CDK14: variants seen among roughly 807,000 people sequenced by gnomAD.
CDK14 encodes cyclin dependent kinase 14.
CDK14 carries 34 observed loss-of-function variants against 60.7 expected under a neutral mutation model. That is an observed-to-expected ratio of 0.56 (90% CI 0.43 to 0.75). The LOEUF (loss-of-function observed/expected upper bound fraction) is 0.75. CDK14 is among the 30% of genes least tolerant of loss of function. The pLI is 0.00. For synonymous variants in CDK14, 197 were observed against 203.7 expected, an observed-to-expected ratio of 0.97 and a Z score of 0.28; for missense variants, 482 against 564.1, an observed-to-expected ratio of 0.85 and a Z score of 1.47.
chr7:91,183,467 C>T (rs1308781204), intron 14 of CDK14, among the ~76,000 whole-genome samples: 1 of 152,202 alleles, frequency 6.6e-6, no homozygotes, highest in African/African-American at 2.4e-5. Context: ...CCAAGACTGG[C>T]AGGTCTTTGC....
chr7:90,688,175 C>T (rs1801478630), intron 2 of CDK14, among the ~76,000 whole-genome samples: 1 of 152,154 alleles, frequency 6.6e-6, no homozygotes, highest in African/African-American at 2.4e-5. Context: ...AGTCAGAACA[C>T]ACATTCCTAT....
intron 2 of CDK14, among the ~76,000 whole-genome samples, chr7:90,700,432 T>TG (rs2116612793): frequency 6.6e-6 from 1 of 152,272 alleles, no homozygotes; most frequent in African/African-American, 2.4e-5. Context: ...AAACCGTACT[T>TG]GGAGTACTTG....
At chr7:91,110,783 A>G (rs911711959) in intron 12 of CDK14, among the ~76,000 whole-genome samples, 2 of 152,192 alleles carry the variant, frequency 1.3e-5, no homozygotes, top group Non-Finnish European at 1.5e-5. Flanking sequence ...GTTCTATTTT[A>G]TCAAAACTAT....
chr7:91,190,862 G>A (rs1025818970), intron 14 of CDK14, among the ~76,000 whole-genome samples: 1 of 152,244 alleles, frequency 6.6e-6, no homozygotes, highest in Admixed American at 6.5e-5. Flanking sequence ...GGACACAAAT[G>A]GGAGACTTGG....
In CDK14 at chr7:90,726,832, T is replaced by A; in HGVS notation, c.369+20T>A. On this transcript the variant is annotated intron_variant, in intron 3 of 14. Coordinates refer to ENST00000380050, the MANE Select transcript of CDK14 (RefSeq NM_001287135.2). ...AGCTCGGTAAGTGCAGTCTTTTTGT[T>A]TATCACTGGGTAAACAGAAGGAATA... is the stretch of plus-strand genomic sequence containing the variant. 1.2e-6 allele frequency: 2 copies of A among 1,612,164 alleles called. No individual in the cohort carries two copies. The highest frequency in any genetic ancestry group is 1.7e-6 in the Non-Finnish European group (2 of 1,179,146).
intron 8 of CDK14, among the ~76,000 whole-genome samples, chr7:90,945,650 T>C (rs1794079007): frequency 6.6e-6 from 1 of 152,230 alleles, no homozygotes. Flanking sequence ...TTGGTCAGTT[T>C]GCTGCCCATT....
At chr7:90,666,019 A>G (rs1270284514) in intron 2 of CDK14, among the ~76,000 whole-genome samples, 8 of 152,160 alleles carry the variant, frequency 5.3e-5, no homozygotes, top group African/African-American at 1.9e-4. Flanking sequence ...CCAACTCAGT[A>G]GCCCAGCAGA....
chr7:90,764,111 T>C (rs942663918), intron 4 of CDK14, among the ~76,000 whole-genome samples: 1 of 152,182 alleles, frequency 6.6e-6, no homozygotes, highest in Non-Finnish European at 1.5e-5. Flanking sequence ...TGTGGGAGCA[T>C]TTTTGAACAG....
chr7:91,085,034 C>T (rs193250621), intron 12 of CDK14, among the ~76,000 whole-genome samples: 2 of 152,318 alleles, frequency 1.3e-5, no homozygotes, highest in African/African-American at 4.8e-5. Context: ...GTAGGAGTTC[C>T]TCTGTTCTCC....
At chr7:91,135,042 G>T (rs1360753531) in intron 14 of CDK14, among the ~76,000 whole-genome samples, 1 of 152,042 alleles carries the variant, frequency 6.6e-6, no homozygotes, top group Admixed American at 6.6e-5. Context: ...AAAGCAGTGT[G>T]TTTCATTTTA....
chr7:91,136,597 A>C (rs931420263), intron 14 of CDK14, among the ~76,000 whole-genome samples: 9 of 152,230 alleles, frequency 5.9e-5, no homozygotes, highest in African/African-American at 2.2e-4. Flanking sequence ...CAGACTAAAC[A>C]TGCCTTGTAA....
At chr7:90,636,314 T>C (rs1479728669) in intron 2 of CDK14, among the ~76,000 whole-genome samples, 1 of 152,266 alleles carries the variant, frequency 6.6e-6, no homozygotes, top group African/African-American at 2.4e-5. Flanking sequence ...GTCCCATCAA[T>C]ACCTGATTTA....
chr7:90,855,562 GAATA>G (rs1438366530), intron 5 of CDK14, among the ~76,000 whole-genome samples: 1 of 152,106 alleles, frequency 6.6e-6, no homozygotes, highest in Non-Finnish European at 1.5e-5. Context: ...ATAATTTGAT[GAATA>G]GATTATTCCT....
chr7:90,959,301 A>G (rs889315423), intron 9 of CDK14, among the ~76,000 whole-genome samples: 9 of 152,134 alleles, frequency 5.9e-5, no homozygotes, highest in East Asian at 5.8e-4. Flanking sequence ...CTTAAAATCT[A>G]TGTTATATCT....
At chr7:90,646,850 C>G (rs1003686937) in intron 2 of CDK14, among the ~76,000 whole-genome samples, 5 of 152,114 alleles carry the variant, frequency 3.3e-5, no homozygotes, top group Non-Finnish European at 5.9e-5. Flanking sequence ...TTCTTACAAA[C>G]AGATGAATGG....
At chr7:90,896,423 C>G (rs1490322608) in intron 6 of CDK14, among the ~76,000 whole-genome samples, 3 of 151,946 alleles carry the variant, frequency 2.0e-5, no homozygotes, top group Admixed American at 6.6e-5. Flanking sequence ...TATTGATATA[C>G]TACTAAAAAA....
At chr7:90,998,659 T>A (rs1795752295) in intron 10 of CDK14, among the ~76,000 whole-genome samples, 2 of 152,112 alleles carry the variant, frequency 1.3e-5, no homozygotes, top group Admixed American at 6.5e-5. Flanking sequence ...GAGGCCCAGG[T>A]GGGCGGATCA....
intron 11 of CDK14, among the ~76,000 whole-genome samples, chr7:91,069,540 A>C (rs997953935): frequency 6.6e-6 from 1 of 152,116 alleles, no homozygotes; most frequent in Admixed American, 6.6e-5. Context: ...CTCTAAAAAA[A>C]TTTAAATTTA....
At chr7:90,649,728 G>C (rs1186834946) in intron 2 of CDK14, among the ~76,000 whole-genome samples, 1 of 151,856 alleles carries the variant, frequency 6.6e-6, no homozygotes, top group Non-Finnish European at 1.5e-5. Context: ...TTCTGTCCTT[G>C]TGGTAGTTTG....
Sources: gnomAD v4.1 joint callset for allele counts (sites outside exome capture counted in the v4.1 genomes callset) on GRCh38, gnomAD v4.1.1 for gene constraint, MANE v1.5 for transcripts, NCBI Gene and HGNC (gene_info 2026-07-23, HGNC 2026-07-21) for gene names.